The following NKAIN3 variants were observed in gnomAD, a reference collection of about 807,000 sequenced individuals.
NKAIN3 encodes the protein sodium/potassium-transporting ATPase subunit beta-1-interacting protein 3.
A neutral mutation model predicts 30.2 loss-of-function variants in NKAIN3; 25 were observed. The ratio of observed to expected loss-of-function variants is 0.83; its 90% CI spans 0.60 to 1.16. The LOEUF (loss-of-function observed/expected upper bound fraction) is 1.16, where lower values mean the gene tolerates loss of function less well. Among genes scored for constraint, NKAIN3 ranks in the 50% most tolerant of loss-of-function variants. The pLI, the probability that NKAIN3 is intolerant of heterozygous loss-of-function variation, is 0.00. For missense variants in NKAIN3, 225 were observed against 254.1 expected, an observed-to-expected ratio of 0.89 and a Z score of 0.78; for synonymous variants, 91 against 89.6, an observed-to-expected ratio of 1.02 and a Z score of -0.09.
chr8:62,442,875 T>A (rs1805370642), intron 1 of NKAIN3, among the ~76,000 whole-genome samples: 1 of 151,974 alleles, frequency 6.6e-6, no homozygotes, highest in Non-Finnish European at 1.5e-5. Flanking sequence ...TACAAATATG[T>A]CCATTTTTAA....
chr8:62,701,144 A>T (rs1814318605), intron 3 of NKAIN3, among the ~76,000 whole-genome samples: 1 of 152,200 alleles, frequency 6.6e-6, no homozygotes. Context: ...TGCTAGAACC[A>T]CTTTTTGGCC....
intron 3 of NKAIN3, among the ~76,000 whole-genome samples, chr8:62,717,077 AG>A (rs1330051818): frequency 6.6e-6 from 1 of 152,210 alleles, no homozygotes; most frequent in East Asian, 1.9e-4. Flanking sequence ...ACTATGTGAA[AG>A]GGCTTTCGAT....
intron 4 of NKAIN3, among the ~76,000 whole-genome samples, chr8:62,866,254 G>A (rs565875932): frequency 2.6e-5 from 4 of 152,116 alleles, no homozygotes; most frequent in African/African-American, 4.8e-5. Context: ...ATATATTTTC[G>A]AAAAAGCATG....
At chr8:62,587,940 T>A (rs928107131) in intron 2 of NKAIN3, among the ~76,000 whole-genome samples, 2 of 152,022 alleles carry the variant, frequency 1.3e-5, no homozygotes, top group Non-Finnish European at 2.9e-5. Context: ...ATTATGCATT[T>A]GTTATAACTA....
At chr8:62,271,099 G>A (rs1378254719) in intron 1 of NKAIN3, among the ~76,000 whole-genome samples, 3 of 152,138 alleles carry the variant, frequency 2.0e-5, no homozygotes, top group African/African-American at 7.2e-5. Context: ...TTTACAGGCT[G>A]CTTTAGTTTT....
intron 1 of NKAIN3, among the ~76,000 whole-genome samples, chr8:62,486,251 T>C (rs1806898574): frequency 6.6e-6 from 1 of 152,058 alleles, no homozygotes; most frequent in Non-Finnish European, 1.5e-5. Flanking sequence ...ACGTTCTAAG[T>C]GAAGAGAGTT....
At chr8:62,705,049 G>T (rs1814474652) in intron 3 of NKAIN3, among the ~76,000 whole-genome samples, 1 of 152,054 alleles carries the variant, frequency 6.6e-6, no homozygotes, top group African/African-American at 2.4e-5. Flanking sequence ...ACAATGATTT[G>T]GTTAAATGGA....
At chr8:62,684,013 G>A (rs1481824625) in intron 3 of NKAIN3, among the ~76,000 whole-genome samples, 2 of 152,102 alleles carry the variant, frequency 1.3e-5, no homozygotes, top group African/African-American at 4.8e-5. Flanking sequence ...CACATCTTCT[G>A]CCCAACTCCC....
intron 1 of NKAIN3, among the ~76,000 whole-genome samples, chr8:62,418,685 C>A (rs539833530): frequency 1.3e-5 from 2 of 152,262 alleles, no homozygotes; most frequent in South Asian, 4.1e-4. Context: ...GACGTGGTTA[C>A]TACATTCTCA....
chr8:62,325,010 G>T (rs945102522), intron 1 of NKAIN3, among the ~76,000 whole-genome samples: 4 of 151,556 alleles, frequency 2.6e-5, no homozygotes, highest in African/African-American at 9.7e-5. Flanking sequence ...TACTTTTTGG[G>T]GTACATGTGG....
intron 1 of NKAIN3, among the ~76,000 whole-genome samples, chr8:62,386,377 A>G (rs1052028622): frequency 6.6e-6 from 1 of 152,176 alleles, no homozygotes; most frequent in Non-Finnish European, 1.5e-5. Flanking sequence ...ATAAATAGTG[A>G]CTATGATTAT....
At chr8:62,764,063 G>A (rs746863998) in intron 4 of NKAIN3, among the ~76,000 whole-genome samples, 2 of 152,210 alleles carry the variant, frequency 1.3e-5, no homozygotes, top group Non-Finnish European at 2.9e-5. Flanking sequence ...GTTTCCAGTT[G>A]GAGATGTCAT....
intron 1 of NKAIN3, among the ~76,000 whole-genome samples, chr8:62,433,272 C>G (rs951567493): frequency 6.6e-6 from 1 of 151,990 alleles, no homozygotes; most frequent in African/African-American, 2.4e-5. Flanking sequence ...AGTTTATTAC[C>G]TCAAGTTATT....
intron 3 of NKAIN3, among the ~76,000 whole-genome samples, chr8:62,652,445 G>A (rs929547087): frequency 2.0e-5 from 3 of 152,218 alleles, no homozygotes; most frequent in East Asian, 1.9e-4. Context: ...ACATAGGTGC[G>A]ATTAATCATT....
intron 4 of NKAIN3, among the ~76,000 whole-genome samples, chr8:62,877,585 C>T (rs1008343786): frequency 6.6e-6 from 1 of 152,196 alleles, no homozygotes; most frequent in African/African-American, 2.4e-5. Flanking sequence ...GAGCCAGACA[C>T]CTCATTTCCT....
chr8:62,290,680 G>A (rs12829419), intron 1 of NKAIN3, among the ~76,000 whole-genome samples: 1 of 152,192 alleles, frequency 6.6e-6, no homozygotes, highest in South Asian at 2.1e-4. Context: ...ATGTTCATCA[G>A]GGATATTGGT....
intron 1 of NKAIN3, among the ~76,000 whole-genome samples, chr8:62,279,818 G>A (rs1470814778): frequency 6.6e-6 from 1 of 152,172 alleles, no homozygotes; most frequent in Non-Finnish European, 1.5e-5. Context: ...GATGCCTCCA[G>A]CTTTGTCCTT....
At chr8:62,402,320 G>A (rs924207520) in intron 1 of NKAIN3, among the ~76,000 whole-genome samples, 1 of 152,128 alleles carries the variant, frequency 6.6e-6, no homozygotes, top group Non-Finnish European at 1.5e-5. Flanking sequence ...CAGAGCAGTG[G>A]ACTCCTCTTT....
intron 3 of NKAIN3, among the ~76,000 whole-genome samples, chr8:62,717,236 A>G (rs1259415860): frequency 1.3e-5 from 2 of 152,232 alleles, no homozygotes; most frequent in African/African-American, 4.8e-5. Context: ...ATTTATAGAA[A>G]GAATATTCAT....
Sources: gnomAD v4.1 joint callset for allele counts (sites outside exome capture counted in the v4.1 genomes callset) on GRCh38, gnomAD v4.1.1 for gene constraint, MANE v1.5 for transcripts, NCBI Gene and HGNC (gene_info 2026-07-23, HGNC 2026-07-21) for gene names.